The following GRID1 variants were observed in gnomAD, a reference collection of about 807,000 sequenced individuals.
GRID1 encodes the protein glutamate receptor ionotropic, delta-1.
In GRID1, 28 loss-of-function variants were observed where a neutral mutation model predicts 98.0. The ratio of observed to expected loss-of-function variants is 0.29; its 90% CI spans 0.21 to 0.39. The LOEUF is 0.39. Among genes scored for constraint, GRID1 ranks in the 10% least tolerant of loss-of-function variants. The probability of loss-of-function intolerance (pLI) is 1.00; values close to 1 mark genes in which losing one functional copy is unlikely to be tolerated. For synonymous variants in GRID1, 553 were observed against 538.5 expected (o/e 1.03, Z -0.37); for missense variants, 1,111 against 1,340.5 (o/e 0.83, Z 2.67).
intron 4 of GRID1, among the ~76,000 whole-genome samples, chr10:85,961,390 A>G (rs946770709): frequency 1.3e-5 from 2 of 151,992 alleles, no homozygotes; most frequent in African/African-American, 4.8e-5. Flanking sequence ...GGACCCTGGT[A>G]TCATAAGCAC....
chr10:85,944,471 A>G (rs1237869627), intron 4 of GRID1, among the ~76,000 whole-genome samples: 1 of 152,230 alleles, frequency 6.6e-6, no homozygotes, highest in Admixed American at 6.5e-5. Context: ...CTGCAAACAT[A>G]TCTGAAAAGT....
chr10:86,082,606 G>T, intron 4 of GRID1, among the ~76,000 whole-genome samples: 1 of 152,128 alleles, frequency 6.6e-6, no homozygotes, highest in East Asian at 1.9e-4. Context: ...CAGGGCCACT[G>T]CCCCTCTTCC....
intron 4 of GRID1, among the ~76,000 whole-genome samples, chr10:86,104,250 C>G (rs909642663): frequency 6.6e-6 from 1 of 152,208 alleles, no homozygotes; most frequent in Non-Finnish European, 1.5e-5. Flanking sequence ...CAGCTCAGAG[C>G]TCAGGGTGCA....
intron 5 of GRID1, among the ~76,000 whole-genome samples, chr10:85,871,646 G>A (rs1472127248): frequency 1.3e-5 from 2 of 152,180 alleles, no homozygotes; most frequent in Non-Finnish European, 2.9e-5. Context: ...ATGAGGTTGG[G>A]AATTAGTGAT....
chr10:86,233,022 C>A (rs940338687), intron 2 of GRID1, among the ~76,000 whole-genome samples: 6 of 152,130 alleles, frequency 3.9e-5, no homozygotes, highest in Non-Finnish European at 7.4e-5. Flanking sequence ...CTTGCAGGAA[C>A]CCTTCAGGAT....
At chr10:85,607,807 C>CT (rs749667195) in intron 15 of GRID1, among the ~76,000 whole-genome samples, 5,733 of 137,604 alleles carry the variant, frequency 0.042, 129 homozygotes, top group African/African-American at 0.051. Context: ...TTTCCTTTTC[C>CT]TTTTTTTTTT....
rs1313586938 is a variant in GRID1 at position 85,728,068 on chromosome 10, T to C, written c.1336-16A>G. On this transcript the variant is annotated splice_polypyrimidine_tract_variant and intron_variant, in intron 9 of 15. Coordinates refer to ENST00000327946, the MANE Select transcript of GRID1 (RefSeq NM_017551.3). ...AAGGCTCTTCCTGAGGACAACAGAA[T>C]GAAGGTTCTCCAATTAAATAACAGG... The C allele has an allele frequency of 1.3e-6, 2 of 1,558,028 alleles. No homozygotes were observed. Among genetic ancestry groups the C allele is most frequent in the Non-Finnish European group, 1.8e-6 (2 of 1,129,118 alleles).
intron 2 of GRID1, among the ~76,000 whole-genome samples, chr10:86,252,712 G>A (rs1263338374): frequency 1.3e-5 from 2 of 152,174 alleles, no homozygotes; most frequent in African/African-American, 4.8e-5. Flanking sequence ...GTCGAGTGGT[G>A]GAAGGATGTA....
chr10:86,165,787 G>GGAAGCT (rs1845390011), intron 3 of GRID1, among the ~76,000 whole-genome samples: 1 of 152,054 alleles, frequency 6.6e-6, no homozygotes, highest in Admixed American at 6.5e-5. Flanking sequence ...GGAAACCAAG[G>GGAAGCT]GAAGCTTCTG....
At chr10:86,237,980 GCGA>G (rs946432881) in intron 2 of GRID1, among the ~76,000 whole-genome samples, 11 of 152,214 alleles carry the variant, frequency 7.2e-5, no homozygotes, top group African/African-American at 2.7e-4. Flanking sequence ...AAATGTAGAA[GCGA>G]CTTTGGAACT....
At chr10:85,668,416 G>A (rs751009117) in intron 12 of GRID1, among the ~76,000 whole-genome samples, 3 of 152,012 alleles carry the variant, frequency 2.0e-5, no homozygotes, top group African/African-American at 4.8e-5. Context: ...GCAGGAAAAT[G>A]TGCCTATTCT....
Position 86,363,975 on chromosome 10 carries a change from G to T in GRID1, c.201C>A (p.Ile67=), listed in dbSNP as rs778014454. 1.2e-6 allele frequency: 2 copies of T among 1,613,964 alleles called. No homozygotes were observed. The highest frequency in any genetic ancestry group is 1.3e-5 in the African/African-American group (1 of 74,930). ...SEKITYSIKV[I]EANNPFQAVQ... ...CAGCCTGGAATGGGTTGTTGGCCTCGATGACCTTGATGGAGTAGGTGATCT... is the reference window on the plus strand; with the variant it reads ...CAGCCTGGAATGGGTTGTTGGCCTCTATGACCTTGATGGAGTAGGTGATCT... The change falls in exon 2 of 16, where the codon ATC becomes ATA. Residue 67 remains isoleucine (I), a synonymous_variant. Coordinates refer to ENST00000327946, the MANE Select transcript of GRID1 (RefSeq NM_017551.3).
intron 12 of GRID1, among the ~76,000 whole-genome samples, chr10:85,681,408 A>G (rs1196202783): frequency 2.6e-5 from 4 of 152,230 alleles, no homozygotes; most frequent in East Asian, 3.8e-4. Context: ...TAGAAAAATA[A>G]CAAAGAAAAG....
chr10:85,915,702 C>T (rs1435695273), intron 5 of GRID1, among the ~76,000 whole-genome samples: 1 of 152,064 alleles, frequency 6.6e-6, no homozygotes, highest in Non-Finnish European at 1.5e-5. Flanking sequence ...ATCATAAACA[C>T]AGACATACAC....
At chr10:85,848,841 G>T (rs1400694759) in intron 8 of GRID1, among the ~76,000 whole-genome samples, 1 of 152,196 alleles carries the variant, frequency 6.6e-6, no homozygotes, top group Non-Finnish European at 1.5e-5. Flanking sequence ...GTCAAAAATA[G>T]TTCTGCACAA....
intron 2 of GRID1, among the ~76,000 whole-genome samples, chr10:86,270,634 G>A (rs1416954153): frequency 6.6e-6 from 1 of 152,112 alleles, no homozygotes; most frequent in Non-Finnish European, 1.5e-5. Flanking sequence ...AGGTTGCAGT[G>A]AGCCGAGATT....
intron 8 of GRID1, among the ~76,000 whole-genome samples, chr10:85,809,143 G>A (rs940618096): frequency 2.6e-5 from 4 of 151,852 alleles, no homozygotes; most frequent in Non-Finnish European, 2.9e-5. Context: ...AGCAGAAGAC[G>A]TGACTCGTTA....
chr10:85,694,994 G>A (rs1434350537), intron 12 of GRID1, among the ~76,000 whole-genome samples: 1 of 151,906 alleles, frequency 6.6e-6, no homozygotes, highest in Non-Finnish European at 1.5e-5. Flanking sequence ...GGAAAGTGGA[G>A]GGAAGAGAAG....
Position 85,835,801 on chromosome 10 carries a change from G to A in GRID1, c.1233+18695C>T, listed in dbSNP as rs73332680. Among the ~76,000 whole-genome samples, 866 of 152,140 alleles carry A rather than the reference G, an allele frequency of 5.7e-3. 8 individuals carry two copies. Among genetic ancestry groups the A allele is most frequent in the African/African-American group, 0.02 (814 of 41,506 alleles). On this transcript the variant is annotated intron_variant, in intron 8 of 15. Transcript: ENST00000327946. ...TCCTAAACAATAAAGAGACTTCAATGAATTTTAAAGAACTGATATCATACA... is the reference window on the plus strand; with the variant it reads ...TCCTAAACAATAAAGAGACTTCAATAAATTTTAAAGAACTGATATCATACA...
Sources: gnomAD v4.1 joint callset for allele counts (sites outside exome capture counted in the v4.1 genomes callset) on GRCh38, gnomAD v4.1.1 for gene constraint, MANE v1.5 for transcripts, NCBI Gene and HGNC (gene_info 2026-07-23, HGNC 2026-07-21) for gene names.